Variants in CRY1 observed in about 807,000 individuals in gnomAD.
CRY1 encodes cryptochrome-1.
Under a neutral mutation model 76.0 loss-of-function variants are expected in CRY1, and 45 were observed. The ratio of observed to expected loss-of-function variants is 0.59; its 90% CI spans 0.47 to 0.76. CRY1 has a LOEUF of 0.76. Ranked by LOEUF, CRY1 falls within the 30% of genes least tolerant of loss-of-function variation. The pLI, the probability that CRY1 is intolerant of heterozygous loss-of-function variation, is 0.00. For missense variants in CRY1, 587 were observed against 716.4 expected, an observed-to-expected ratio of 0.82 and a Z score of 2.06; for synonymous variants, 248 against 244.0, an observed-to-expected ratio of 1.02 and a Z score of -0.15.
chr12:107,062,008 A>C (rs1469144584), intron 1 of CRY1, among the ~76,000 whole-genome samples: 2 of 146,116 alleles, frequency 1.4e-5, no homozygotes, highest in East Asian at 2.0e-4. Flanking sequence ...CCTGGACAAC[A>C]GAGCAAGACC....
At chr12:106,994,035 C>T (rs1012286742) in intron 10 of CRY1, among the ~76,000 whole-genome samples, 1 of 151,360 alleles carries the variant, frequency 6.6e-6, no homozygotes, top group Admixed American at 6.6e-5. Flanking sequence ...TAAGAATGTT[C>T]CACAGTCATT....
At chr12:106,999,508 A>T (rs1952276191) in intron 7 of CRY1, 43 bp downstream of exon 7, 1 of 1,511,908 alleles carries the variant, frequency 6.6e-7, no homozygotes, top group Admixed American at 2.1e-5. Flanking sequence ...TAAGGTAAGG[A>T]TTCCTTCAAA....
At chr12:107,044,622 A>T (rs1033673044) in intron 1 of CRY1, among the ~76,000 whole-genome samples, 1 of 152,240 alleles carries the variant, frequency 6.6e-6, no homozygotes, top group African/African-American at 2.4e-5. Flanking sequence ...AGACTATTCA[A>T]TGAAATCAGG....
chr12:106,999,194 A>G (rs1036720065), intron 7 of CRY1, among the ~76,000 whole-genome samples: 1 of 152,178 alleles, frequency 6.6e-6, no homozygotes, highest in African/African-American at 2.4e-5. Context: ...TAAAATTTAT[A>G]ATATGAATTC....
chr12:107,030,826 G>A (rs931519691), intron 1 of CRY1, among the ~76,000 whole-genome samples: 3 of 152,118 alleles, frequency 2.0e-5, no homozygotes, highest in African/African-American at 7.2e-5. Context: ...TTTGAGTAGA[G>A]TTTAGAATTA....
At chr12:107,077,477 T>C (rs769931825) in intron 1 of CRY1, among the ~76,000 whole-genome samples, 12 of 152,186 alleles carry the variant, frequency 7.9e-5, no homozygotes, top group Non-Finnish European at 1.2e-4. Flanking sequence ...GGCCATTTAA[T>C]AGGAAAGTAA....
chr12:107,052,306 A>G lies in CRY1; in HGVS notation c.159-30114T>C, dbSNP rs182737854. 2.9e-3 allele frequency among the ~76,000 whole-genome samples: 449 copies of G among 152,276 alleles called. 2 individuals are homozygous for G. Among genetic ancestry groups the G allele is most frequent in the African/African-American group, 0.01 (427 of 41,560 alleles). ...TTAGATTTGAGACTCTCCTAAAATG[A>G]CAGTACCTCTTTACCACAAGGGCAG... is the stretch of plus-strand genomic sequence containing the variant. On this transcript the variant is annotated intron_variant, in intron 1 of 12. Coordinates refer to ENST00000008527, the MANE Select transcript of CRY1 (RefSeq NM_004075.5).
At chr12:107,000,177 T>C in intron 5 of CRY1, 95 bp from the exon 6 acceptor site, 1 of 1,245,384 alleles carries the variant, frequency 8.0e-7, no homozygotes, top group Non-Finnish European at 1.1e-6. Flanking sequence ...AGTTACATAG[T>C]TCTTGGGGAA....
intron 1 of CRY1, among the ~76,000 whole-genome samples, chr12:107,025,071 G>C (rs1329803111): frequency 6.6e-6 from 1 of 152,134 alleles, no homozygotes; most frequent in African/African-American, 2.4e-5. Flanking sequence ...TACATTGCAT[G>C]CATCTACTTT....
intron 2 of CRY1, among the ~76,000 whole-genome samples, chr12:107,006,777 G>T (rs182081153): frequency 1.2e-4 from 18 of 151,014 alleles, no homozygotes; most frequent in African/African-American, 3.9e-4. Context: ...TCAGCCTCCC[G>T]AGTAGCTGGG....
At chr12:107,087,382 G>T (rs1379603368) in intron 1 of CRY1, among the ~76,000 whole-genome samples, 1 of 151,530 alleles carries the variant, frequency 6.6e-6, no homozygotes, top group Non-Finnish European at 1.5e-5. Context: ...CATGTGGTCT[G>T]TGCCCAACCA....
chr12:107,013,826 T>C (rs1286394594), intron 2 of CRY1, among the ~76,000 whole-genome samples: 1 of 152,216 alleles, frequency 6.6e-6, no homozygotes, highest in African/African-American at 2.4e-5. Flanking sequence ...AAAGATAAAA[T>C]AGCTTATTAA....
Position 107,073,906 on chromosome 12 carries a change from C to T in CRY1, c.158+18898G>A, listed in dbSNP as rs182999242. Reference sequence around the variant, plus strand: ...TTCAGTCCCTGCTAACCAACTGTATCGGGATATCCCACTGTTACCCTAACC... The same window carrying T: ...TTCAGTCCCTGCTAACCAACTGTATTGGGATATCCCACTGTTACCCTAACC... On this transcript the variant is annotated intron_variant, in intron 1 of 12. Coordinates refer to ENST00000008527, the MANE Select transcript of CRY1 (RefSeq NM_004075.5). 7.2e-5 allele frequency among the ~76,000 whole-genome samples: 11 copies of T among 152,138 alleles called. No homozygotes were observed. In the East Asian group the frequency reaches 7.7e-4, roughly 11 times the overall value.
chr12:107,046,904 A>G (rs1388819840), intron 1 of CRY1, among the ~76,000 whole-genome samples: 2 of 152,212 alleles, frequency 1.3e-5, no homozygotes, highest in Admixed American at 1.3e-4. Flanking sequence ...TCAATCTAAA[A>G]GGATAGATTC....
At chr12:107,044,768 G>C (rs1952832216) in intron 1 of CRY1, among the ~76,000 whole-genome samples, 1 of 152,120 alleles carries the variant, frequency 6.6e-6, no homozygotes, top group African/African-American at 2.4e-5. Flanking sequence ...AGCACACTTT[G>C]ATCAAAAAGA....
At chr12:107,062,207 C>T (rs1953057162) in intron 1 of CRY1, among the ~76,000 whole-genome samples, 1 of 151,994 alleles carries the variant, frequency 6.6e-6, no homozygotes, top group Non-Finnish European at 1.5e-5. Context: ...TCCTATATTT[C>T]AAAAACTTAC....
chr12:107,055,303 A>G (rs1714922003), intron 1 of CRY1, among the ~76,000 whole-genome samples: 2 of 152,134 alleles, frequency 1.3e-5, no homozygotes, highest in African/African-American at 4.8e-5. Context: ...ATAATTCTAA[A>G]TAATTCACAG....
chr12:107,011,216 G>A (rs1338638977), intron 2 of CRY1, among the ~76,000 whole-genome samples: 2 of 152,312 alleles, frequency 1.3e-5, no homozygotes, highest in African/African-American at 4.8e-5. Context: ...TGGGCATGGT[G>A]GCATGTGCCT....
At chr12:107,083,730 A>G (rs1457076481) in intron 1 of CRY1, among the ~76,000 whole-genome samples, 2 of 152,218 alleles carry the variant, frequency 1.3e-5, no homozygotes, top group Non-Finnish European at 2.9e-5. Flanking sequence ...CCCATAGCCA[A>G]TATCATACTG....
Sources: gnomAD v4.1 joint callset for allele counts (sites outside exome capture counted in the v4.1 genomes callset) on GRCh38, gnomAD v4.1.1 for gene constraint, MANE v1.5 for transcripts, NCBI Gene and HGNC (gene_info 2026-07-23, HGNC 2026-07-21) for gene names.